The following KIRREL3 variants were observed in gnomAD, a reference collection of about 807,000 sequenced individuals.
KIRREL3 encodes the protein kin of IRRE-like protein 3.
A neutral mutation model predicts 89.7 loss-of-function variants in KIRREL3; 36 were observed. That is an observed-to-expected ratio of 0.40 (90% CI 0.31 to 0.53). The LOEUF (loss-of-function observed/expected upper bound fraction) is 0.53, where lower values mean the gene tolerates loss of function less well. Among genes scored for constraint, KIRREL3 ranks in the 20% least tolerant of loss-of-function variants. The pLI, the probability that KIRREL3 is intolerant of heterozygous loss-of-function variation, is 0.49. For synonymous variants in KIRREL3, 445 were observed against 441.4 expected, an observed-to-expected ratio of 1.01 and a Z score of -0.10; for missense variants, 864 against 1,056.6, an observed-to-expected ratio of 0.82 and a Z score of 2.53.
intron 1 of KIRREL3, among the ~76,000 whole-genome samples, chr11:126,964,987 A>G (rs1949219968): frequency 6.6e-6 from 1 of 152,202 alleles, no homozygotes; most frequent in African/African-American, 2.4e-5. Flanking sequence ...GTACTTTCCA[A>G]ACATTCATTA....
rs74322435 is a variant in KIRREL3 at position 126,990,642 on chromosome 11, A to C, written c.55+9813T>G. On this transcript the variant is annotated intron_variant, in intron 1 of 16. Transcript: ENST00000525144. This position sits in a 1 kb window ranked among gnomAD's most constrained non-coding sequence, Gnocchi z 6.3. Reference sequence around the variant, plus strand: ...GCTCTTGGTGCGGCTTCAGAAGAACAGCTCCTCTCTGCCTCCGCAGTTGCC... The same window carrying C: ...GCTCTTGGTGCGGCTTCAGAAGAACCGCTCCTCTCTGCCTCCGCAGTTGCC... Among the ~76,000 whole-genome samples the C allele has an allele frequency of 0.024, 3,636 of 152,274 alleles. 170 individuals carry two copies. The East Asian group carries it at 0.24, about 10-fold the overall frequency.
intron 1 of KIRREL3, among the ~76,000 whole-genome samples, chr11:126,878,097 G>T (rs182178566): frequency 1.4e-4 from 21 of 152,266 alleles, no homozygotes. Flanking sequence ...GAGATAGGCA[G>T]GTAGGTACGT....
chr11:126,510,152 T>C (rs780555095), intron 4 of KIRREL3, among the ~76,000 whole-genome samples: 1 of 152,160 alleles, frequency 6.6e-6, no homozygotes, highest in Non-Finnish European at 1.5e-5. Flanking sequence ...GACAGCTGGA[T>C]AGGAAAGGAA....
chr11:126,613,892 TTA>T, intron 1 of KIRREL3, among the ~76,000 whole-genome samples: 1 of 112,992 alleles, frequency 8.9e-6, no homozygotes, highest in Admixed American at 9.8e-5. Context: ...TTTTTTTTTT[TTA>T]TTTTTTTCCC....
chr11:126,964,327 A>T (rs1251835562), intron 1 of KIRREL3, among the ~76,000 whole-genome samples: 2 of 152,164 alleles, frequency 1.3e-5, no homozygotes, highest in African/African-American at 4.8e-5. Context: ...CCACTGTCTG[A>T]CATCTGCAGA....
At position 126,624,891 on chromosome 11, in the gene KIRREL3, A is replaced by C. The variant is rs1166700802; in HGVS notation, c.56-61979T>G. On this transcript the variant is annotated intron_variant, in intron 1 of 16. Transcript: ENST00000525144. The surrounding 1 kb of genome is among the most constrained non-coding windows in gnomAD (Gnocchi z 6.0). The stretch of plus-strand genomic sequence containing the variant: ...CACTTTCTCCAGACCTACCATCAGT[A>C]AGGATGGTGGAAATTGGGGTGGGGC... Among the ~76,000 whole-genome samples, 1 of 152,176 alleles carries C rather than the reference A, an allele frequency of 6.6e-6. No homozygotes were observed. Among genetic ancestry groups the C allele is most frequent in the Non-Finnish European group, 1.5e-5 (1 of 68,030 alleles).
chr11:126,882,463 A>G (rs2078359), intron 1 of KIRREL3, among the ~76,000 whole-genome samples: 93,676 of 152,026 alleles, frequency 0.62, 30,386 homozygotes, highest in African/African-American at 0.82. Flanking sequence ...GTTACAAAAT[A>G]TAGAGATGGT....
intron 1 of KIRREL3, among the ~76,000 whole-genome samples, chr11:126,893,812 T>A (rs1946025154): frequency 6.6e-6 from 1 of 152,260 alleles, no homozygotes; most frequent in African/African-American, 2.4e-5. Context: ...CATGTTTTAA[T>A]CTTGCTGCTA....
At chr11:126,425,328 A>G (rs1954898760) in intron 16 of KIRREL3, among the ~76,000 whole-genome samples, 1 of 152,222 alleles carries the variant, frequency 6.6e-6, no homozygotes, top group Non-Finnish European at 1.5e-5. Context: ...TGTCAGGGCA[A>G]TGCAGGGTCA....
chr11:126,864,984 T>G (rs1222929855), intron 1 of KIRREL3, among the ~76,000 whole-genome samples: 2 of 152,118 alleles, frequency 1.3e-5, no homozygotes, highest in Admixed American at 1.3e-4. Flanking sequence ...AAAGAGCTCC[T>G]CCTCACTCCT....
chr11:126,734,019 C>A lies in KIRREL3; in HGVS notation c.56-171107G>T, dbSNP rs981932284. 6.6e-6 allele frequency among the ~76,000 whole-genome samples: 1 copy of A among 152,182 alleles called. No individual in the cohort carries two copies. The highest frequency in any genetic ancestry group is 1.5e-5 in the Non-Finnish European group (1 of 68,036). ...TGGGAAGCAGCCCAGAAGAGGTCAG[C>A]GTCTGCCTCTCAAGGTGTGGGCTGT... On this transcript the variant is annotated intron_variant, in intron 1 of 16. Transcript: ENST00000525144. This position sits in a 1 kb window ranked among gnomAD's most constrained non-coding sequence, Gnocchi z 5.9.
chr11:126,973,437 G>A (rs901569964), intron 1 of KIRREL3, among the ~76,000 whole-genome samples: 2 of 152,174 alleles, frequency 1.3e-5, no homozygotes, highest in African/African-American at 2.4e-5. Context: ...CAACTACTTG[G>A]AAGTGATGAA....
intron 5 of KIRREL3, among the ~76,000 whole-genome samples, chr11:126,466,469 T>C (rs1956729673): frequency 6.6e-6 from 1 of 152,072 alleles, no homozygotes; most frequent in African/African-American, 2.4e-5. Flanking sequence ...GGGACAGAGC[T>C]GGGGGGCCCA....
rs1285095557 is a variant in KIRREL3, at chr11:126,739,877, G to A, written c.56-176965C>T. Among the ~76,000 whole-genome samples, 1 of 152,182 alleles carries A rather than the reference G, an allele frequency of 6.6e-6. No homozygotes were observed. Among genetic ancestry groups the A allele is most frequent in the East Asian group, 1.9e-4 (1 of 5,200 alleles). On this transcript the variant is annotated intron_variant, in intron 1 of 16. Transcript: ENST00000525144. The surrounding 1 kb of genome is among the most constrained non-coding windows in gnomAD (Gnocchi z 5.5). ...GGGATTGGGCAAGAAGGAGCACTTA[G>A]AATTTTGACACTGCACTTTGATCAG...
Position 126,444,021 on chromosome 11 carries a change from G to A in KIRREL3, c.1252+958C>T, listed in dbSNP as rs79074272. Among the ~76,000 whole-genome samples, 1,379 of 152,274 alleles carry A rather than the reference G, an allele frequency of 9.1e-3. 22 individuals are homozygous for A. Among genetic ancestry groups the A allele is most frequent in the African/African-American group, 0.031 (1,308 of 41,546 alleles). On this transcript the variant is annotated intron_variant, in intron 10 of 16. Transcript: ENST00000525144. ...ATAGGGCAGGGACGTCCGCATTTGC[G>A]TCCTGGTGCCACAACCTTCTTGGGT... is the stretch of plus-strand genomic sequence containing the variant.
Position 126,710,764 on chromosome 11 carries a change from A to C in KIRREL3, c.56-147852T>G, listed in dbSNP as rs1947724826. On this transcript the variant is annotated intron_variant, in intron 1 of 16. Coordinates refer to ENST00000525144, the MANE Select transcript of KIRREL3 (RefSeq NM_032531.4). The surrounding 1 kb of genome is among the most constrained non-coding windows in gnomAD (Gnocchi z 4.2). ...AAATAAGAAAAGTGATACCAAGTCAAACAGATCACAACTGATTATTAAGAA... is the reference window on the plus strand; with the variant it reads ...AAATAAGAAAAGTGATACCAAGTCACACAGATCACAACTGATTATTAAGAA... 6.6e-6 allele frequency among the ~76,000 whole-genome samples: 1 copy of C among 152,216 alleles called. No individual in the cohort carries two copies. The highest frequency in any genetic ancestry group is 2.4e-5 in the African/African-American group (1 of 41,450).
In KIRREL3 at chr11:126,601,889, A is replaced by T. The variant is rs1289588050; in HGVS notation, c.56-38977T>A. On this transcript the variant is annotated intron_variant, in intron 1 of 16. Transcript: ENST00000525144. The surrounding 1 kb of genome is among the most constrained non-coding windows in gnomAD (Gnocchi z 5.8). ...GGCCTGAGAACCGTGCATACGGGACAGCATGAGTTTTAGGAGACAAGGGGT... is the reference window on the plus strand; with the variant it reads ...GGCCTGAGAACCGTGCATACGGGACTGCATGAGTTTTAGGAGACAAGGGGT... 1.3e-5 allele frequency among the ~76,000 whole-genome samples: 2 copies of T among 152,200 alleles called. No homozygotes were observed. The highest frequency in any genetic ancestry group is 4.8e-5 in the African/African-American group (2 of 41,456).
chr11:126,663,855 T>A (rs1284256092), intron 1 of KIRREL3, among the ~76,000 whole-genome samples: 2 of 152,248 alleles, frequency 1.3e-5, no homozygotes, highest in Non-Finnish European at 2.9e-5. Context: ...AGATGGGGAA[T>A]GAGGAATTAG....
In KIRREL3 at chr11:126,872,231, A is replaced by AGGT. The variant is rs1217515593; in HGVS notation, c.55+128223_55+128224insACC. ...ATGACACTTTACAAATGCCACATCA[A>AGGT]TATGCCATGGCAATGACCTGAAAAT... On this transcript the variant is annotated intron_variant, in intron 1 of 16. Transcript: ENST00000525144. This position sits in a 1 kb window ranked among gnomAD's most constrained non-coding sequence, Gnocchi z 4.2. Among the ~76,000 whole-genome samples, 1 of 152,244 alleles carries AGGT rather than the reference A, an allele frequency of 6.6e-6. No individual in the cohort carries two copies. Among genetic ancestry groups the AGGT allele is most frequent in the Non-Finnish European group, 1.5e-5 (1 of 68,042 alleles).
Sources: gnomAD v4.1 joint callset for allele counts (sites outside exome capture counted in the v4.1 genomes callset) on GRCh38, gnomAD v4.1.1 for gene constraint, Gnocchi (gnomAD v3.1) non-coding constraint, MANE v1.5 for transcripts, NCBI Gene and HGNC (gene_info 2026-07-23, HGNC 2026-07-21) for gene names.